SNX29: variants seen among roughly 807,000 people sequenced by gnomAD.
SNX29 encodes the protein sorting nexin 29.
Under a neutral mutation model 102.1 loss-of-function variants are expected in SNX29, and 78 were observed. The observed-to-expected ratio is 0.76, with a 90% CI of 0.64 to 0.92. SNX29 has a LOEUF of 0.92. Among genes scored for constraint, SNX29 ranks in the 40% least tolerant of loss-of-function variants. The pLI is 0.00. For missense variants in SNX29, 1,280 were observed against 1,061.7 expected (o/e 1.21, Z -2.86); for synonymous variants, 580 against 414.5 (o/e 1.40, Z -4.85).
At chr16:12,168,329 C>G (rs1030178104) in intron 13 of SNX29, among the ~76,000 whole-genome samples, 4 of 152,148 alleles carry the variant, frequency 2.6e-5, no homozygotes, top group African/African-American at 9.7e-5. Context: ...AGTGAGCAAC[C>G]ATGACCTAGA....
chr16:12,134,241 G>A (rs1199476305), intron 13 of SNX29, among the ~76,000 whole-genome samples: 1 of 152,210 alleles, frequency 6.6e-6, no homozygotes, highest in African/African-American at 2.4e-5. Flanking sequence ...TCCAATTCTT[G>A]TCATCGTATT....
intron 15 of SNX29, among the ~76,000 whole-genome samples, chr16:12,325,391 C>A (rs118126516): frequency 2.6e-5 from 4 of 152,138 alleles, no homozygotes; most frequent in Non-Finnish European, 4.4e-5. Context: ...TAAATGCATT[C>A]TGGCAGCTCT....
chr16:12,003,993 G>A (rs1479788800), intron 3 of SNX29, among the ~76,000 whole-genome samples: 3 of 152,010 alleles, frequency 2.0e-5, no homozygotes, highest in African/African-American at 7.3e-5. Context: ...CTGAGATCGC[G>A]CCACTGTACT....
intron 18 of SNX29, among the ~76,000 whole-genome samples, chr16:12,423,886 A>C (rs943955087): frequency 1.3e-5 from 2 of 152,168 alleles, no homozygotes; most frequent in African/African-American, 4.8e-5. Context: ...AGTTTTTGTA[A>C]GAAGAGTGCA....
intron 13 of SNX29, among the ~76,000 whole-genome samples, chr16:12,177,501 T>C (rs1480841097): frequency 6.6e-6 from 1 of 151,988 alleles, no homozygotes; most frequent in South Asian, 2.1e-4. Context: ...GTGTAGGTCT[T>C]AATGAAAGTT....
At chr16:12,035,408 G>A (rs993534729) in intron 4 of SNX29, among the ~76,000 whole-genome samples, 2 of 151,970 alleles carry the variant, frequency 1.3e-5, no homozygotes, top group Non-Finnish European at 2.9e-5. Context: ...TAAAGGAGGT[G>A]GTATGCTGTA....
At chr16:11,986,458 G>A (rs937731944) in intron 1 of SNX29, among the ~76,000 whole-genome samples, 3 of 150,978 alleles carry the variant, frequency 2.0e-5, no homozygotes, top group African/African-American at 7.3e-5. Context: ...ATACATTCCT[G>A]GCACATTTAA....
chr16:12,147,858 A>C (rs2055130296), intron 13 of SNX29, among the ~76,000 whole-genome samples: 1 of 152,208 alleles, frequency 6.6e-6, no homozygotes, highest in Admixed American at 6.5e-5. Flanking sequence ...TGACAGTGGC[A>C]ATGTGACATC....
intron 14 of SNX29, among the ~76,000 whole-genome samples, chr16:12,229,196 A>T (rs565698422): frequency 2.0e-5 from 3 of 152,226 alleles, no homozygotes; most frequent in South Asian, 4.1e-4. Context: ...CGGTTTCTCC[A>T]CTAGTCTGTA....
At chr16:12,250,576 T>C (rs2078392839) in intron 14 of SNX29, among the ~76,000 whole-genome samples, 1 of 152,218 alleles carries the variant, frequency 6.6e-6, no homozygotes, top group East Asian at 1.9e-4. Flanking sequence ...CGAAGCACAA[T>C]GCAGAGCTTG....
intron 18 of SNX29, among the ~76,000 whole-genome samples, chr16:12,444,303 TATAGCACCTAGCATGTAGTAAGCACTC>T (rs2085950824): frequency 6.6e-6 from 1 of 151,764 alleles, no homozygotes; most frequent in Non-Finnish European, 1.5e-5. Flanking sequence ...AAGCACTCAG[TATAGCACCTAGCATGTAGTAAGCACTC>T]AGTCAAAGCT....
intron 13 of SNX29, among the ~76,000 whole-genome samples, chr16:12,191,294 A>C (rs1324713636): frequency 6.6e-6 from 1 of 152,140 alleles, no homozygotes; most frequent in Non-Finnish European, 1.5e-5. Flanking sequence ...GGTTCCTGAC[A>C]GCCACGGTGA....
intron 10 of SNX29, among the ~76,000 whole-genome samples, chr16:12,073,376 T>C (rs1334979515): frequency 6.6e-6 from 1 of 152,244 alleles, no homozygotes; most frequent in Non-Finnish European, 1.5e-5. Flanking sequence ...GTTGTGTCTT[T>C]GTTCTCGTTG....
rs574151643 is a variant in SNX29 at position 12,568,979 on chromosome 16, G to A, written c.*350G>A. 6.8e-4 allele frequency: 235 copies of A among 343,620 alleles called. No homozygotes were observed. Among genetic ancestry groups the A allele is most frequent in the Non-Finnish European group, 1.1e-3 (200 of 187,916 alleles). The allele number at this position is 343,620 out of a possible 1,614,324, so 21.3% of individuals were successfully genotyped here. A position where few individuals can be genotyped will look rare whatever the true frequency, so the allele number is the denominator to read the frequency against. ...CAGGCTGGGTGCGCCATGGTTGAGA[G>A]GCAAAGGTGATCCCCTATATAGGAA... On this transcript the variant is annotated 3_prime_UTR_variant, in exon 21 of 21. Coordinates refer to ENST00000566228, the MANE Select transcript of SNX29 (RefSeq NM_032167.5).
chr16:12,542,565 C>G (rs540473084), intron 20 of SNX29, among the ~76,000 whole-genome samples: 2 of 152,286 alleles, frequency 1.3e-5, no homozygotes, highest in East Asian at 1.9e-4. Flanking sequence ...CTCCTGACCT[C>G]AAGTGATCCA....
chr16:12,001,667 A>G (rs1429640426), intron 2 of SNX29, among the ~76,000 whole-genome samples: 5 of 152,142 alleles, frequency 3.3e-5, no homozygotes, highest in Non-Finnish European at 7.3e-5. Context: ...TTTTGATAAT[A>G]AGTTTAGGAA....
chr16:12,468,201 G>A (rs2087157881), intron 18 of SNX29, among the ~76,000 whole-genome samples: 3 of 66,960 alleles, frequency 4.5e-5, no homozygotes, highest in Admixed American at 4.5e-4. Context: ...TTTTTAGGGG[G>A]AGTTTTACTG....
chr16:12,417,290 A>G (rs1361458202), intron 18 of SNX29, among the ~76,000 whole-genome samples: 2 of 152,192 alleles, frequency 1.3e-5, no homozygotes, highest in Non-Finnish European at 2.9e-5. Context: ...TCCTGTGTTC[A>G]GCATCTAGAG....
At chr16:12,094,536 G>A (rs2052690121) in intron 11 of SNX29, among the ~76,000 whole-genome samples, 1 of 152,114 alleles carries the variant, frequency 6.6e-6, no homozygotes, top group Non-Finnish European at 1.5e-5. Context: ...ACATAAACCA[G>A]GCTACTCTTT....
Sources: gnomAD v4.1 joint callset for allele counts (sites outside exome capture counted in the v4.1 genomes callset) on GRCh38, gnomAD v4.1.1 for gene constraint, MANE v1.5 for transcripts, NCBI Gene and HGNC (gene_info 2026-07-23, HGNC 2026-07-21) for gene names.